Variants in NCAM2 observed in about 807,000 individuals in gnomAD.
NCAM2 encodes N-CAM-2.
In NCAM2, 30 loss-of-function variants were observed where a neutral mutation model predicts 98.1. That is an observed-to-expected ratio of 0.31 (90% CI 0.23 to 0.41). The LOEUF (loss-of-function observed/expected upper bound fraction) is 0.41, where lower values mean the gene tolerates loss of function less well. NCAM2 is among the 10% of genes least tolerant of loss of function. NCAM2 has a pLI of 1.00. For missense variants in NCAM2, 867 were observed against 1,005.8 expected (o/e 0.86, Z 1.87); for synonymous variants, 368 against 342.4 (o/e 1.07, Z -0.83).
At chr21:21,014,989 G>A (rs1168465478) in intron 1 of NCAM2, among the ~76,000 whole-genome samples, 2 of 152,152 alleles carry the variant, frequency 1.3e-5, no homozygotes, top group Non-Finnish European at 2.9e-5. Context: ...GATGGAAAGA[G>A]GAAGAGAAAT....
chr21:21,534,004 A>C (rs1247900627), intron 16 of NCAM2, among the ~76,000 whole-genome samples: 1 of 152,046 alleles, frequency 6.6e-6, no homozygotes, highest in African/African-American at 2.4e-5. Context: ...AAGATCTTTC[A>C]TACAAATGGA....
intron 1 of NCAM2, among the ~76,000 whole-genome samples, chr21:21,042,043 A>T (rs1261026624): frequency 2.0e-5 from 3 of 152,178 alleles, no homozygotes; most frequent in African/African-American, 7.2e-5. Flanking sequence ...ACATATTTTC[A>T]TGTTTCTTCT....
At chr21:21,185,987 A>G (rs1432212667) in intron 1 of NCAM2, among the ~76,000 whole-genome samples, 1 of 152,202 alleles carries the variant, frequency 6.6e-6, no homozygotes, top group Admixed American at 6.5e-5. Context: ...TGGTAATAAC[A>G]TAAGAGATGC....
At chr21:21,495,590 A>G (rs1987167915) in intron 15 of NCAM2, among the ~76,000 whole-genome samples, 1 of 152,006 alleles carries the variant, frequency 6.6e-6, no homozygotes, top group Non-Finnish European at 1.5e-5. Context: ...TGATCTATTT[A>G]TTTGTTACTG....
At chr21:21,218,206 G>A (rs751103281) in intron 1 of NCAM2, among the ~76,000 whole-genome samples, 14 of 152,188 alleles carry the variant, frequency 9.2e-5, no homozygotes, top group Non-Finnish European at 1.6e-4. Context: ...ACTTGTGAGC[G>A]TGGCCTATTA....
intron 16 of NCAM2, among the ~76,000 whole-genome samples, chr21:21,529,565 A>T (rs1186058427): frequency 1.3e-5 from 2 of 151,894 alleles, no homozygotes; most frequent in Non-Finnish European, 2.9e-5. Context: ...ATACCCTTTT[A>T]CTCTTCCCTT....
intron 1 of NCAM2, among the ~76,000 whole-genome samples, chr21:21,162,149 T>C (rs1373155168): frequency 3.9e-5 from 6 of 152,062 alleles, no homozygotes; most frequent in South Asian, 2.1e-4. Context: ...TCATAGTACT[T>C]AAAGAAAACT....
In NCAM2 at chr21:21,032,104, A is replaced by G. The variant is rs939081086; in HGVS notation, c.55+33486A>G. 3.9e-5 allele frequency among the ~76,000 whole-genome samples: 6 copies of G among 152,202 alleles called. No individual in the cohort carries two copies. In the East Asian group the frequency reaches 1.2e-3, roughly 29 times the overall value. ...AATGCAATGGTGAGCGTACGAATTT[A>G]GGAAAAGAAATCTAGCTGTTCTTGA... On this transcript the variant is annotated intron_variant, in intron 1 of 17. Transcript: ENST00000400546.
intron 12 of NCAM2, among the ~76,000 whole-genome samples, chr21:21,445,184 T>G (rs1004017706): frequency 1.3e-5 from 2 of 152,192 alleles, no homozygotes; most frequent in African/African-American, 4.8e-5. Context: ...TTGATTGCAC[T>G]GTGGCCTGAG....
chr21:21,523,713 T>C (rs748282452), intron 16 of NCAM2, among the ~76,000 whole-genome samples: 16 of 151,932 alleles, frequency 1.1e-4, no homozygotes, highest in Non-Finnish European at 1.6e-4. Flanking sequence ...TATTTGAAAA[T>C]TGACTTCATT....
At chr21:21,401,495 A>T (rs1378474069) in intron 9 of NCAM2, among the ~76,000 whole-genome samples, 1 of 152,140 alleles carries the variant, frequency 6.6e-6, no homozygotes, top group East Asian at 1.9e-4. Context: ...GTAACCACCA[A>T]CCTACTGTCC....
intron 1 of NCAM2, among the ~76,000 whole-genome samples, chr21:21,006,737 G>T (rs978876515): frequency 6.6e-6 from 1 of 152,146 alleles, no homozygotes; most frequent in East Asian, 1.9e-4. Context: ...GGCATCTCGT[G>T]AAGTTGAAAG....
At chr21:21,277,974 A>T (rs1285404065) in intron 1 of NCAM2, among the ~76,000 whole-genome samples, 1 of 152,154 alleles carries the variant, frequency 6.6e-6, no homozygotes, top group Non-Finnish European at 1.5e-5. Context: ...GCAAATTTTG[A>T]TGTTAGAGGA....
At chr21:21,256,032 G>T (rs1003125559) in intron 1 of NCAM2, among the ~76,000 whole-genome samples, 2 of 152,132 alleles carry the variant, frequency 1.3e-5, no homozygotes, top group Non-Finnish European at 2.9e-5. Context: ...TGTATACTGG[G>T]TTAGGTAGAT....
intron 10 of NCAM2, among the ~76,000 whole-genome samples, chr21:21,415,187 C>T (rs2076964805): frequency 6.6e-6 from 1 of 152,094 alleles, no homozygotes; most frequent in South Asian, 2.1e-4. Context: ...TCAACAGGTC[C>T]TTGGAAGTTT....
At chr21:21,137,754 A>G (rs932278078) in intron 1 of NCAM2, among the ~76,000 whole-genome samples, 1 of 152,216 alleles carries the variant, frequency 6.6e-6, no homozygotes, top group Non-Finnish European at 1.5e-5. Context: ...GCGAAACTCC[A>G]TTAAAAAAAA....
Position 21,437,335 on chromosome 21 carries a change from C to T in NCAM2, c.1654+5054C>T, listed in dbSNP as rs541826178. Among the ~76,000 whole-genome samples, 7 of 152,226 alleles carry T rather than the reference C, an allele frequency of 4.6e-5. No homozygotes were observed. In the East Asian group the frequency reaches 1.2e-3, roughly 25 times the overall value. ...CCACTGGGGCATGCCAGAAATTCCA[C>T]ACAACATTTCTTCCAACCTCTATTG... On this transcript the variant is annotated intron_variant, in intron 12 of 17. Coordinates refer to ENST00000400546, the MANE Select transcript of NCAM2 (RefSeq NM_004540.5).
intron 1 of NCAM2, among the ~76,000 whole-genome samples, chr21:21,198,151 G>T (rs989029285): frequency 6.6e-6 from 1 of 150,806 alleles, no homozygotes; most frequent in Non-Finnish European, 1.5e-5. Context: ...TACCTAAACA[G>T]AATCTAGTTA....
intron 1 of NCAM2, among the ~76,000 whole-genome samples, chr21:21,107,397 G>T (rs2066371189): frequency 6.6e-6 from 1 of 151,870 alleles, no homozygotes; most frequent in Non-Finnish European, 1.5e-5. Context: ...TCCATGCAAG[G>T]TTAATAGACA....
Sources: gnomAD v4.1 joint callset for allele counts (sites outside exome capture counted in the v4.1 genomes callset) on GRCh38, gnomAD v4.1.1 for gene constraint, MANE v1.5 for transcripts, NCBI Gene and HGNC (gene_info 2026-07-23, HGNC 2026-07-21) for gene names.